Variants in NALCN observed in about 807,000 individuals in gnomAD.
NALCN encodes sodium leak channel, non-selective.
NALCN carries 111 observed loss-of-function variants against 225.3 expected under a neutral mutation model. That is an observed-to-expected ratio of 0.49 (90% CI 0.42 to 0.58). The LOEUF is 0.58. NALCN is among the 20% of genes least tolerant of loss of function. The pLI, the probability that NALCN is intolerant of heterozygous loss-of-function variation, is 0.00. For missense variants in NALCN, 1,378 were observed against 2,202.4 expected (o/e 0.63, Z 7.49); for synonymous variants, 764 against 769.0 (o/e 0.99, Z 0.11).
intron 1 of NALCN, among the ~76,000 whole-genome samples, chr13:101,402,029 C>G (rs924854700): frequency 6.6e-6 from 1 of 152,142 alleles, no homozygotes; most frequent in South Asian, 2.1e-4. Context: ...AAACTGCATA[C>G]AGCAGACCTA....
At chr13:101,321,176 C>T (rs490442) in intron 7 of NALCN, among the ~76,000 whole-genome samples, 50,303 of 151,904 alleles carry the variant, frequency 0.33, 8,768 homozygotes, top group Non-Finnish European at 0.4. Flanking sequence ...GCATTTTATC[C>T]TTTCATTAAC....
chr13:101,289,907 C>A (rs989064440), intron 9 of NALCN, among the ~76,000 whole-genome samples: 1 of 152,164 alleles, frequency 6.6e-6, no homozygotes, highest in East Asian at 1.9e-4. Context: ...AGGGCCCACT[C>A]GCAAGTGGCT....
At chr13:101,138,525 A>G (rs576990732) in intron 17 of NALCN, among the ~76,000 whole-genome samples, 1 of 152,324 alleles carries the variant, frequency 6.6e-6, no homozygotes, top group Non-Finnish European at 1.5e-5. Flanking sequence ...GTACAGGGGC[A>G]CGAGGTGGAG....
At chr13:101,355,642 A>T (rs1325184095) in intron 6 of NALCN, among the ~76,000 whole-genome samples, 2 of 152,170 alleles carry the variant, frequency 1.3e-5, no homozygotes, top group Non-Finnish European at 2.9e-5. Flanking sequence ...CAGATTAACG[A>T]GACAGAAAAT....
At chr13:101,057,718 C>T (rs999152433) in intron 43 of NALCN, 4 of 557,462 alleles carry the variant, frequency 7.2e-6, no homozygotes, top group African/African-American at 1.9e-5. Flanking sequence ...ACCATGATAG[C>T]CTGAAATGTA....
chr13:101,299,798 CA>C (rs1230739414), intron 7 of NALCN, among the ~76,000 whole-genome samples: 1 of 152,068 alleles, frequency 6.6e-6, no homozygotes, highest in Non-Finnish European at 1.5e-5. Flanking sequence ...TCTCTTCACT[CA>C]GATATACCAT....
At chr13:101,146,660 G>A (rs1238681830) in intron 15 of NALCN, among the ~76,000 whole-genome samples, 2 of 152,146 alleles carry the variant, frequency 1.3e-5, no homozygotes, top group Non-Finnish European at 2.9e-5. Context: ...ATAAGACAGA[G>A]CAGAAATAAA....
At chr13:101,155,336 C>T (rs1441399060) in intron 15 of NALCN, among the ~76,000 whole-genome samples, 1 of 152,180 alleles carries the variant, frequency 6.6e-6, no homozygotes, top group Admixed American at 6.5e-5. Flanking sequence ...AACCACATTG[C>T]ATTTCATTGT....
At chr13:101,326,405 A>G (rs1168825951) in intron 7 of NALCN, among the ~76,000 whole-genome samples, 1 of 152,218 alleles carries the variant, frequency 6.6e-6, no homozygotes, top group Non-Finnish European at 1.5e-5. Context: ...CAGGTTTTCC[A>G]AAACATTCCT....
intron 15 of NALCN, among the ~76,000 whole-genome samples, chr13:101,148,416 T>C (rs1156246290): frequency 6.6e-6 from 1 of 152,180 alleles, no homozygotes; most frequent in South Asian, 2.1e-4. Flanking sequence ...CCTCTCCTTT[T>C]CCTTATAGAT....
chr13:101,183,501 C>G (rs1594384502), intron 14 of NALCN, among the ~76,000 whole-genome samples: 1 of 152,088 alleles, frequency 6.6e-6, no homozygotes, highest in Non-Finnish European at 1.5e-5. Flanking sequence ...TCTCTGTCCC[C>G]CAGGCTGGAG....
chr13:101,310,681 A>C (rs1210609382), intron 7 of NALCN, among the ~76,000 whole-genome samples: 1 of 152,154 alleles, frequency 6.6e-6, no homozygotes, highest in Non-Finnish European at 1.5e-5. Flanking sequence ...CATGAAAGCA[A>C]GGATTTTTTC....
intron 35 of NALCN, 122 bp from the exon 36 acceptor site, chr13:101,074,784 T>A: frequency 8.4e-7 from 1 of 1,188,014 alleles, no homozygotes; most frequent in Non-Finnish European, 1.1e-6. Context: ...GGGTAGCAAC[T>A]AATCTTTAAG....
intron 7 of NALCN, among the ~76,000 whole-genome samples, chr13:101,303,867 A>C (rs1039525964): frequency 4.6e-5 from 7 of 152,320 alleles, no homozygotes; most frequent in South Asian, 2.1e-4. Flanking sequence ...TGGCTGATGG[A>C]GTAATACTGA....
chr13:101,342,980 G>T (rs957773006), intron 7 of NALCN, among the ~76,000 whole-genome samples: 4 of 151,998 alleles, frequency 2.6e-5, no homozygotes, highest in Non-Finnish European at 2.9e-5. Context: ...AAGGAAATGG[G>T]CTCCTTTTTA....
intron 18 of NALCN, among the ~76,000 whole-genome samples, chr13:101,112,942 T>C (rs940908248): frequency 1.3e-5 from 2 of 152,080 alleles, no homozygotes; most frequent in Non-Finnish European, 2.9e-5. Context: ...TAAGAACTTA[T>C]TATATAGTAA....
chr13:101,191,087 G>A (rs1419962269), intron 14 of NALCN, among the ~76,000 whole-genome samples: 1 of 152,114 alleles, frequency 6.6e-6, no homozygotes, highest in African/African-American at 2.4e-5. Flanking sequence ...GTAACTGTAA[G>A]ACATATTGCC....
At chr13:101,064,093 T>C (rs1280240344) in intron 40 of NALCN, among the ~76,000 whole-genome samples, 1 of 152,218 alleles carries the variant, frequency 6.6e-6, no homozygotes, top group Non-Finnish European at 1.5e-5. Context: ...CTCAAATGAC[T>C]ACCATAACTC....
intron 22 of NALCN, among the ~76,000 whole-genome samples, chr13:101,106,619 C>T (rs1353286782): frequency 1.3e-5 from 2 of 152,150 alleles, no homozygotes; most frequent in African/African-American, 4.8e-5. Flanking sequence ...ATAATTGAAT[C>T]ATGGGGGCGG....
Sources: allele counts gnomAD v4.1 joint callset (sites outside exome capture counted in the v4.1 genomes callset), GRCh38; gene constraint gnomAD v4.1.1; transcripts MANE v1.5; gene names NCBI Gene and HGNC (gene_info 2026-07-23, HGNC 2026-07-21).